The following CXADR variants were observed in gnomAD, a reference collection of about 807,000 sequenced individuals.
CXADR encodes coxsackievirus and adenovirus receptor.
A neutral mutation model predicts 40.3 loss-of-function variants in CXADR; 20 were observed. That is an observed-to-expected ratio of 0.50 (90% confidence interval 0.35 to 0.72). The LOEUF is 0.72. Ranked by LOEUF, CXADR falls within the 30% of genes least tolerant of loss-of-function variation. CXADR has a pLI of 0.01. For missense variants in CXADR, 332 were observed against 449.1 expected, an observed-to-expected ratio of 0.74 and a Z score of 2.36; for synonymous variants, 150 against 161.3, an observed-to-expected ratio of 0.93 and a Z score of 0.53.
chr21:17,596,420 C>T (rs993747703), downstream of CXADR, among the ~76,000 whole-genome samples: 14 of 151,928 alleles, frequency 9.2e-5, no homozygotes, highest in East Asian at 1.9e-4. Context: ...AGAGATTTAT[C>T]TTTTATGTCT....
chr21:17,592,793 G>T (rs899849520), intron 7 of CXADR, among the ~76,000 whole-genome samples: 4 of 151,740 alleles, frequency 2.6e-5, no homozygotes, highest in Admixed American at 2.6e-4. Flanking sequence ...ATTGTGTATG[G>T]CTTAAAGAGT....
chr21:17,520,583 G>A (rs1261874116), intron 1 of CXADR, among the ~76,000 whole-genome samples: 1 of 152,160 alleles, frequency 6.6e-6, no homozygotes, highest in East Asian at 1.9e-4. Context: ...GAGAAGTAAG[G>A]TTATACGCTG....
At chr21:17,622,044 A>G in the CXADR span, among the ~76,000 whole-genome samples, 1 of 152,236 alleles carries the variant, frequency 6.6e-6, no homozygotes, top group African/African-American at 2.4e-5. Flanking sequence ...TTTCTGATAC[A>G]GACTGGTAGA....
intron 7 of CXADR, among the ~76,000 whole-genome samples, chr21:17,582,461 AT>A (rs1307655962): frequency 0.014 from 5 of 356 alleles, no homozygotes; most frequent in African/African-American, 0.042. Flanking sequence ...TTTCCAAACC[AT>A]TCTGGTTCAA....
chr21:17,593,255 A>G, exon 8 of CXADR: 1 of 1,329,536 alleles, frequency 7.5e-7, no homozygotes. Flanking sequence ...GCCTCTAGTA[A>G]AGACTTAAAT....
At chr21:17,633,430 A>G in the CXADR span, among the ~76,000 whole-genome samples, 1 of 152,094 alleles carries the variant, frequency 6.6e-6, no homozygotes, top group Non-Finnish European at 1.5e-5. Context: ...GAGTTGGTGC[A>G]CATCTGTAGT....
At chr21:17,513,227 C>G (rs1016415029) in intron 1 of CXADR, 55 bp downstream of exon 1, 5 of 1,336,916 alleles carry the variant, frequency 3.7e-6, no homozygotes, top group Non-Finnish European at 4.8e-6. Flanking sequence ...GCGCTCGCTG[C>G]CCGCGGCCAC....
At position 17,551,847 on chromosome 21, in the gene CXADR, A is replaced by C. The variant is rs200223066; in HGVS notation, c.309A>C (p.Ala103=). The change falls in exon 3 of 7, where the codon GCA becomes GCC. Residue 103 remains alanine (A), a synonymous_variant. Coordinates refer to ENST00000284878, the MANE Select transcript of CXADR (RefSeq NM_001338.5). ...FTSNDLKSGD[A]SINVTNLQLS... is the part of the protein sequence containing the mutation. ...GTAATGATCTCAAATCTGGTGATGC[A>C]TCAATAAATGTAACGAATTTACAAC... is the stretch of plus-strand genomic sequence containing the variant. 1 of 1,613,956 alleles carries C rather than the reference A, an allele frequency of 6.2e-7. No homozygotes were observed. Among genetic ancestry groups the C allele is most frequent in the East Asian group, 2.2e-5 (1 of 44,860 alleles).
chr21:17,583,611 G>GA (rs35510171), intron 7 of CXADR, among the ~76,000 whole-genome samples: 152,288 of 152,294 alleles, frequency 1, 76,141 homozygotes, highest in Middle Eastern at 1. Context: ...ACACACACTC[G>GA]AAATCCACTT....
downstream of CXADR, among the ~76,000 whole-genome samples, chr21:17,571,096 C>T (rs568208850): frequency 5.9e-5 from 9 of 152,168 alleles, no homozygotes; most frequent in Non-Finnish European, 1.3e-4. Context: ...GGGTCGGAGC[C>T]AAATCGCCTC....
At chr21:17,551,639 T>A (rs1308618524) in intron 2 of CXADR, 110 bp from the exon 3 acceptor site, 1 of 864,120 alleles carries the variant, frequency 1.2e-6, no homozygotes, top group Non-Finnish European at 1.8e-6. Flanking sequence ...TCTTTTTCTT[T>A]TCTGGGAGGG....
the CXADR span, chr21:17,604,177 C>G: frequency 2.4e-6 from 3 of 1,263,990 alleles, no homozygotes; most frequent in South Asian, 4.0e-5. Flanking sequence ...GGCGCAGTGG[C>G]TCACGCCTGT....
At chr21:17,598,517 A>C (rs2061532047), downstream of CXADR, 1 of 989,630 alleles carries the variant, frequency 1.0e-6, no homozygotes, top group Admixed American at 2.7e-5. Flanking sequence ...ATTATCCAGA[A>C]TCTCAAGTCA....
the CXADR span, chr21:17,612,659 G>GACCT: frequency 1.3e-5 from 2 of 152,366 alleles, no homozygotes; most frequent in Non-Finnish European, 2.9e-5. Context: ...GATACCCACA[G>GACCT]CCCCGCCATG....
chr21:17,599,289 C>T, the CXADR span, among the ~76,000 whole-genome samples: 2 of 151,692 alleles, frequency 1.3e-5, no homozygotes, highest in Admixed American at 6.6e-5. Flanking sequence ...GATCGATCCT[C>T]CAACTTCAAA....
At chr21:17,579,348 A>G (rs2061343957) in intron 7 of CXADR, among the ~76,000 whole-genome samples, 1 of 150,518 alleles carries the variant, frequency 6.6e-6, no homozygotes, top group East Asian at 2.0e-4. Flanking sequence ...GCAGTGGTGC[A>G]GTCTTGGCTC....
At chr21:17,628,644 G>C in the CXADR span, among the ~76,000 whole-genome samples, 1 of 152,160 alleles carries the variant, frequency 6.6e-6, no homozygotes, top group Non-Finnish European at 1.5e-5. Context: ...GGAATTACAG[G>C]CGCACGCCAC....
At chr21:17,556,479 T>C (rs563731234) in intron 3 of CXADR, among the ~76,000 whole-genome samples, 1 of 152,320 alleles carries the variant, frequency 6.6e-6, no homozygotes, top group South Asian at 2.1e-4. Context: ...AAAATGGATA[T>C]AGAAAGGATG....
chr21:17,593,283 C>A lies in CXADR; in HGVS notation c.*90C>A, dbSNP rs958385197. ...ACTTAAATGTTTTTTAAAAAAAGCA[C>A]AAGGCACAGAGATTAGAGCAGCTGT... On this transcript the variant is annotated 3_prime_UTR_variant, in exon 8 of 8. Coordinates refer to the CXADR transcript ENST00000400169. 4 of 1,169,870 alleles carry A rather than the reference C, an allele frequency of 3.4e-6. No individual in the cohort carries two copies. The Middle Eastern group carries it at 6.4e-4, about 186-fold the overall frequency. The allele number at this position is 1,169,870 out of a possible 1,614,324, so 72.5% of individuals were successfully genotyped here.
Sources: gnomAD v4.1 joint callset for allele counts (sites outside exome capture counted in the v4.1 genomes callset) on GRCh38, gnomAD v4.1.1 for gene constraint, MANE v1.5 for transcripts, NCBI Gene and HGNC (gene_info 2026-07-23, HGNC 2026-07-21) for gene names.